Variants in ITGA4 observed in about 807,000 individuals in gnomAD.
ITGA4 encodes the protein integrin alpha-4.
A neutral mutation model predicts 133.6 loss-of-function variants in ITGA4; 63 were observed. The ratio of observed to expected loss-of-function variants is 0.47; its 90% CI spans 0.38 to 0.58. The LOEUF (loss-of-function observed/expected upper bound fraction) is 0.58. Ranked by LOEUF, ITGA4 falls within the 20% of genes least tolerant of loss-of-function variation. The pLI is 0.00. For synonymous variants in ITGA4, 483 were observed against 438.0 expected (o/e 1.10, Z -1.28); for missense variants, 1,076 against 1,252.7 (o/e 0.86, Z 2.13).
At position 181,537,631 on chromosome 2, in the gene ITGA4, C is replaced by CAAATCCTGAAAAATGAAAGAATCCAA. The variant is rs752510075; in HGVS notation, c.*2106_*2131dup. ...GGAAATTTAACATAATTGATGAGCT[C>CAAATCCTGAAAAATGAAAGAATCCAA]AAATCCTGAAAAATGAAAGAATCCA... On this transcript the variant is annotated 3_prime_UTR_variant, in exon 28 of 28. Coordinates refer to ENST00000397033, the MANE Select transcript of ITGA4 (RefSeq NM_000885.6). 2.1e-5 allele frequency: 9 copies of CAAATCCTGAAAAATGAAAGAATCCAA among 435,276 alleles called. No individual in the cohort carries two copies. The highest frequency in any genetic ancestry group is 1.6e-4 in the African/African-American group (8 of 48,680). The allele number at this position is 435,276 out of a possible 1,614,324, so 27.0% of individuals were successfully genotyped here.
At chr2:181,485,244 G>A (rs1452323392) in intron 9 of ITGA4, among the ~76,000 whole-genome samples, 1 of 152,116 alleles carries the variant, frequency 6.6e-6, no homozygotes, top group Non-Finnish European at 1.5e-5. Context: ...ACTGCAATCT[G>A]ACATTTTTGT....
In ITGA4 at chr2:181,529,562, A is replaced by G. The variant is rs769699883; in HGVS notation, c.2452A>G (p.Met818Val). 1.2e-6 allele frequency: 2 copies of G among 1,603,898 alleles called. No homozygotes were observed. The highest frequency in any genetic ancestry group is 1.7e-6 in the Non-Finnish European group (2 of 1,171,174). ...TCAGGTTATCAACACTGGCAATAGT[A>G]TGGCTCCCAATGTTAGTGTGGAAAT... ...TFHVINTGNSMAPNVSVEIMV... is the reference protein window; with the variant it reads ...TFHVINTGNSVAPNVSVEIMV... Residue 818 changes from methionine to valine, a missense_variant, in exon 23 of 28, where the codon ATG (methionine) becomes GTG (valine). This residue lies in a region of ITGA4 where 365 missense variants were observed against 421.4 expected (regional missense o/e 0.87). Coordinates refer to ENST00000397033, the MANE Select transcript of ITGA4 (RefSeq NM_000885.6).
Position 181,457,588 on chromosome 2 carries a change from A to G in ITGA4, c.-67A>G, listed in dbSNP as rs1685154239. On this transcript the variant is annotated 5_prime_UTR_variant, in exon 1 of 28. Coordinates refer to ENST00000397033, the MANE Select transcript of ITGA4 (RefSeq NM_000885.6). ...TTGGGGCGTTCTTCCCCGTTGGCCA[A>G]CCGTCGCATCCCGTGCAACTTTGGG... is the stretch of plus-strand genomic sequence containing the variant. 2.1e-6 allele frequency: 3 copies of G among 1,457,436 alleles called. No individual in the cohort carries two copies. Among genetic ancestry groups the G allele is most frequent in the East Asian group, 2.4e-5 (1 of 41,406 alleles). The allele number at this position is 1,457,436 out of a possible 1,614,324, so 90.3% of individuals were successfully genotyped here.
At chr2:181,458,175 C>A in intron 1 of ITGA4, 21 bp from the exon 2 acceptor site, 1 of 1,613,942 alleles carries the variant, frequency 6.2e-7, no homozygotes, top group Non-Finnish European at 8.5e-7. Context: ...TCTGAGCGCA[C>A]GTGCACGTGT....
At chr2:181,512,171 C>G (rs1686519787) in intron 17 of ITGA4, among the ~76,000 whole-genome samples, 1 of 151,890 alleles carries the variant, frequency 6.6e-6, no homozygotes, top group Non-Finnish European at 1.5e-5. Flanking sequence ...CCCCTATATT[C>G]AAATCATTTT....
At chr2:181,505,398 C>G (rs1574401753) in intron 15 of ITGA4, among the ~76,000 whole-genome samples, 2 of 152,008 alleles carry the variant, frequency 1.3e-5, no homozygotes, top group African/African-American at 2.4e-5. Context: ...CCATGAAAGT[C>G]AAGCAAGAAG....
intron 10 of ITGA4, among the ~76,000 whole-genome samples, chr2:181,490,734 C>T (rs558041736): frequency 1.3e-5 from 2 of 152,260 alleles, no homozygotes; most frequent in East Asian, 1.9e-4. Context: ...TCAGTTTCCT[C>T]ATCTGTAAAG....
chr2:181,529,578 G>T lies in ITGA4; in HGVS notation c.2468G>T (p.Ser823Ile). ...GGCAATAGTATGGCTCCCAATGTTAGTGTGGAAATAATGGTACCAAATTCT... is the reference window on the plus strand; with the variant it reads ...GGCAATAGTATGGCTCCCAATGTTATTGTGGAAATAATGGTACCAAATTCT... ...NTGNSMAPNV[S>I]VEIMVPNSFS... Residue 823 changes from serine to isoleucine, a missense_variant, in exon 23 of 28, where the codon AGT becomes ATT. Physicochemically the swap from Ser to Ile is moderately radical, Grantham distance 142. Around this residue, in one of 4 missense-constraint regions of ITGA4, gnomAD observed 365 missense variants for 421.4 expected, o/e 0.87. Transcript: ENST00000397033. 1 of 1,610,154 alleles carries T rather than the reference G, an allele frequency of 6.2e-7. No individual in the cohort carries two copies. Among genetic ancestry groups the T allele is most frequent in the Non-Finnish European group, 8.5e-7 (1 of 1,176,752 alleles).
chr2:181,538,280 T>A lies in ITGA4; in HGVS notation c.*2753T>A. On this transcript the variant is annotated 3_prime_UTR_variant, in exon 28 of 28. Transcript: ENST00000397033. ...AATACATTATTTCATCAACTTATTT[T>A]GTTGTTTTTCACATACACCTAATAA... The A allele has an allele frequency of 1.5e-6, 2 of 1,372,780 alleles. No homozygotes were observed. Among genetic ancestry groups the A allele is most frequent in the South Asian group, 2.3e-5 (2 of 85,368 alleles). The allele number at this position is 1,372,780 out of a possible 1,614,324, so 85.0% of individuals were successfully genotyped here. A position where few individuals can be genotyped will look rare whatever the true frequency, so the allele number is the denominator to read the frequency against.
In ITGA4 at chr2:181,535,537, T is replaced by C. The variant is rs201201857; in HGVS notation, c.*10T>C. On this transcript the variant is annotated 3_prime_UTR_variant, in exon 28 of 28. Coordinates refer to ENST00000397033, the MANE Select transcript of ITGA4 (RefSeq NM_000885.6). Reference sequence around the variant, plus strand: ...AAGCAATGATGATTAAGGACTTCTTTCAAATTGAGAGAATGGAAAACAGAC... The same window carrying C: ...AAGCAATGATGATTAAGGACTTCTTCCAAATTGAGAGAATGGAAAACAGAC... 6.3e-7 allele frequency: 1 copy of C among 1,593,994 alleles called. No homozygotes were observed. Among genetic ancestry groups the C allele is most frequent in the Non-Finnish European group, 8.5e-7 (1 of 1,171,872 alleles).
intron 21 of ITGA4, 32 bp from the exon 22 acceptor site, chr2:181,527,263 GAC>G (rs1686853282): frequency 1.7e-6 from 2 of 1,209,172 alleles, no homozygotes; most frequent in African/African-American, 3.0e-5. Context: ...CATCGAATAA[GAC>G]AGTTAATTAA....
rs201190139 is a variant in ITGA4 at position 181,495,742 on chromosome 2, T to C, written c.1386-41T>C. Reference sequence around the variant, plus strand: ...ACGCATTTCTCTCCTTAAGGAAAAATAATTCTGCAATTAACATTGCTACTT... The same window carrying C: ...ACGCATTTCTCTCCTTAAGGAAAAACAATTCTGCAATTAACATTGCTACTT... On this transcript the variant is annotated intron_variant, in intron 13 of 27. Transcript: ENST00000397033. The surrounding 1 kb of genome is among the most constrained non-coding windows in gnomAD (Gnocchi z 4.3). The C allele has an allele frequency of 2.1e-5, 33 of 1,563,810 alleles. No homozygotes were observed. The highest frequency in any genetic ancestry group is 1.3e-4 in the Admixed American group (7 of 54,814).
intron 16 of ITGA4, among the ~76,000 whole-genome samples, chr2:181,510,905 T>C (rs1402942698): frequency 6.9e-6 from 1 of 144,344 alleles, no homozygotes; most frequent in African/African-American, 2.5e-5. Context: ...GCTTTACCAA[T>C]AGAAATGGCA....
intron 4 of ITGA4, chr2:181,475,799 C>T: frequency 2.5e-6 from 4 of 1,588,948 alleles, no homozygotes; most frequent in Non-Finnish European, 2.6e-6. Context: ...ACATTTTTCT[C>T]ATGGTAACTC....
intron 9 of ITGA4, among the ~76,000 whole-genome samples, chr2:181,483,575 G>C (rs925565691): frequency 4.2e-4 from 64 of 152,268 alleles, no homozygotes; most frequent in African/African-American, 1.5e-3. Flanking sequence ...ATTTAAGAAA[G>C]AAAACATCTA....
chr2:181,512,844 A>G (rs965428231), intron 17 of ITGA4, among the ~76,000 whole-genome samples: 5 of 152,072 alleles, frequency 3.3e-5, no homozygotes, highest in African/African-American at 1.2e-4. Context: ...ACTGGGAACA[A>G]GTAGGTTCAA....
At chr2:181,482,485 A>G (rs1685829243) in intron 8 of ITGA4, 29 bp from the exon 9 acceptor site, 4 of 1,613,466 alleles carry the variant, frequency 2.5e-6, no homozygotes, top group Admixed American at 1.7e-5. Context: ...TTTTTTCTCA[A>G]TGAGTGGATC....
chr2:181,464,707 C>G (rs1685370979), intron 2 of ITGA4, among the ~76,000 whole-genome samples: 1 of 152,100 alleles, frequency 6.6e-6, no homozygotes. Flanking sequence ...CTGCACATTT[C>G]AGCCTCATTC....
intron 14 of ITGA4, among the ~76,000 whole-genome samples, chr2:181,497,602 A>G (rs1329780918): frequency 1.3e-5 from 2 of 152,178 alleles, no homozygotes; most frequent in Non-Finnish European, 2.9e-5. Flanking sequence ...GAAATGTGTA[A>G]AGAGTAATAT....
Sources: allele counts gnomAD v4.1 joint callset (sites outside exome capture counted in the v4.1 genomes callset), GRCh38; gene constraint gnomAD v4.1.1; regional missense constraint gnomAD v4.1.1; non-coding constraint Gnocchi (gnomAD v3.1); transcripts MANE v1.5; gene names NCBI Gene and HGNC (gene_info 2026-07-23, HGNC 2026-07-21).